Variants in STAMBPL1 observed in about 807,000 individuals in gnomAD.
The protein encoded by STAMBPL1 is AMSH-like protease.
A neutral mutation model predicts 52.9 loss-of-function variants in STAMBPL1; 44 were observed. The observed-to-expected ratio is 0.83, with a 90% CI of 0.65 to 1.07. The LOEUF is 1.07. STAMBPL1 is among the 50% of genes least tolerant of loss of function. The pLI is 0.00. For missense variants in STAMBPL1, 511 were observed against 520.8 expected, an observed-to-expected ratio of 0.98 and a Z score of 0.18; for synonymous variants, 164 against 177.3, an observed-to-expected ratio of 0.92 and a Z score of 0.60.
chr10:88,913,885 T>G (rs2133199916), intron 6 of STAMBPL1, among the ~76,000 whole-genome samples: 1 of 152,338 alleles, frequency 6.6e-6, no homozygotes, highest in East Asian at 1.9e-4. Context: ...AGCATCATCC[T>G]TGGACTGAGA....
chr10:88,923,252 A>C lies in STAMBPL1; in HGVS notation c.*28A>C. On this transcript the variant is annotated 3_prime_UTR_variant, in exon 11 of 11. Coordinates refer to ENST00000371926, the MANE Select transcript of STAMBPL1 (RefSeq NM_020799.4). ...TGTTCTGAATGTAAGCACCGTCAAC[A>C]TCAGACACCTACTCATGGACATGTG... The C allele has an allele frequency of 1.3e-6, 2 of 1,578,824 alleles. No homozygotes were observed. Among genetic ancestry groups the C allele is most frequent in the Non-Finnish European group, 1.7e-6 (2 of 1,168,940 alleles).
At chr10:88,897,114 G>C (rs556769054) in intron 1 of STAMBPL1, among the ~76,000 whole-genome samples, 2 of 152,172 alleles carry the variant, frequency 1.3e-5, no homozygotes, top group Non-Finnish European at 2.9e-5. Context: ...AGAATAAACT[G>C]TTACAAGCTC....
Position 88,923,332 on chromosome 10 carries a change from C to A in STAMBPL1, c.*108C>A, listed in dbSNP as rs1845562843. On this transcript the variant is annotated 3_prime_UTR_variant, in exon 11 of 11. Coordinates refer to ENST00000371926, the MANE Select transcript of STAMBPL1 (RefSeq NM_020799.4). ...AAATGACTGATATTTTATATTTATA[C>A]ATTTTAGATGACAAAGCTTGATATT... The A allele has an allele frequency of 1.4e-6, 2 of 1,425,654 alleles. No individual in the cohort carries two copies. Among genetic ancestry groups the A allele is most frequent in the Non-Finnish European group, 1.8e-6 (2 of 1,093,366 alleles). The allele number at this position is 1,425,654 out of a possible 1,614,324, so 88.3% of individuals were successfully genotyped here.
intron 1 of STAMBPL1, among the ~76,000 whole-genome samples, chr10:88,884,417 A>C (rs551689543): frequency 5.3e-5 from 8 of 152,164 alleles, no homozygotes; most frequent in Non-Finnish European, 1.2e-4. Context: ...AAAGGGAGCA[A>C]GTGAGGAAAG....
chr10:88,921,468 C>A (rs2133220539), intron 9 of STAMBPL1, 73 bp downstream of exon 9: 1 of 1,229,570 alleles, frequency 8.1e-7, no homozygotes, highest in Non-Finnish European at 1.2e-6. Flanking sequence ...TGTCCAGACA[C>A]CAGGTTGTGG....
Position 88,893,655 on chromosome 10 carries a change from C to T in STAMBPL1, c.-53-8001C>T, listed in dbSNP as rs570901159. Reference sequence around the variant, plus strand: ...ACTTAGGAAGCTGAAAGAGGAGAATCGCTTGAACCTAGGAAGCGGAGGTTG... The same window carrying T: ...ACTTAGGAAGCTGAAAGAGGAGAATTGCTTGAACCTAGGAAGCGGAGGTTG... On this transcript the variant is annotated intron_variant, in intron 1 of 10. Transcript: ENST00000371926. Among the ~76,000 whole-genome samples, 9 of 152,222 alleles carry T rather than the reference C, an allele frequency of 5.9e-5. No individual in the cohort carries two copies. The East Asian group carries it at 1.7e-3, about 29-fold the overall frequency.
In STAMBPL1 at chr10:88,897,559, A is replaced by G. The variant is rs7905268; in HGVS notation, c.-53-4097A>G. Among the ~76,000 whole-genome samples, 1,394 of 152,284 alleles carry G rather than the reference A, an allele frequency of 9.2e-3. 25 individuals carry two copies. Among genetic ancestry groups the G allele is most frequent in the African/African-American group, 0.032 (1,314 of 41,542 alleles). ...GATGATCAGATGTTATCAAGCCACA[A>G]GAATGTGAGGTAGAGGTCAGGGAGT... On this transcript the variant is annotated intron_variant, in intron 1 of 10. Coordinates refer to ENST00000371926, the MANE Select transcript of STAMBPL1 (RefSeq NM_020799.4).
At chr10:88,897,794 G>C (rs908148958) in intron 1 of STAMBPL1, among the ~76,000 whole-genome samples, 13 of 152,192 alleles carry the variant, frequency 8.5e-5, no homozygotes, top group Non-Finnish European at 7.3e-5. Flanking sequence ...TTTGCACCGT[G>C]TGCTTTGTAG....
At chr10:88,905,414 T>G in intron 2 of STAMBPL1, 29 bp from the exon 3 acceptor site, 2 of 1,551,214 alleles carry the variant, frequency 1.3e-6, no homozygotes, top group Non-Finnish European at 1.8e-6. Context: ...AATCAACAGT[T>G]AATCAGAGAT....
chr10:88,914,732 T>A, intron 7 of STAMBPL1, 74 bp downstream of exon 7: 1 of 657,412 alleles, frequency 1.5e-6, no homozygotes, highest in Admixed American at 4.7e-5. Context: ...AGATTTCTTC[T>A]GATAAGTGGA....
intron 2 of STAMBPL1, among the ~76,000 whole-genome samples, chr10:88,902,988 A>G (rs906820802): frequency 3.9e-5 from 6 of 152,218 alleles, no homozygotes; most frequent in African/African-American, 1.4e-4. Flanking sequence ...TTGTTGTTCC[A>G]CTATGGTTAA....
intron 2 of STAMBPL1, among the ~76,000 whole-genome samples, chr10:88,902,719 C>T (rs540744830): frequency 2.3e-4 from 35 of 152,120 alleles, no homozygotes; most frequent in Admixed American, 4.6e-4. Flanking sequence ...TATAGGCTGC[C>T]GCCACCACGC....
At chr10:88,894,369 GT>G (rs11407194) in intron 1 of STAMBPL1, among the ~76,000 whole-genome samples, 40 of 149,690 alleles carry the variant, frequency 2.7e-4, no homozygotes, top group South Asian at 8.4e-4. Context: ...TTTTATACAG[GT>G]TTTTTTTTTG....
intron 1 of STAMBPL1, among the ~76,000 whole-genome samples, chr10:88,888,930 G>A (rs1222201492): frequency 6.6e-6 from 1 of 152,206 alleles, no homozygotes; most frequent in Non-Finnish European, 1.5e-5. Flanking sequence ...ACCCTTGAGA[G>A]AACAGCTGAG....
chr10:88,889,852 T>C (rs957799159), intron 1 of STAMBPL1, among the ~76,000 whole-genome samples: 2 of 152,236 alleles, frequency 1.3e-5, no homozygotes, highest in African/African-American at 2.4e-5. Flanking sequence ...GATCATACAT[T>C]GAATTCATTT....
chr10:88,892,943 T>C (rs1020556671), intron 1 of STAMBPL1, among the ~76,000 whole-genome samples: 2 of 152,258 alleles, frequency 1.3e-5, no homozygotes, highest in African/African-American at 2.4e-5. Context: ...TTCAAACATT[T>C]ATTTGTGACT....
chr10:88,908,568 A>T (rs1845135080), intron 3 of STAMBPL1, 134 bp from the exon 4 acceptor site: 1 of 711,126 alleles, frequency 1.4e-6, no homozygotes, highest in South Asian at 1.8e-5. Flanking sequence ...GAAAAGGCAG[A>T]TGGCAAGACT....
At chr10:88,890,134 A>G (rs892998076) in intron 1 of STAMBPL1, among the ~76,000 whole-genome samples, 3 of 152,218 alleles carry the variant, frequency 2.0e-5, no homozygotes, top group Non-Finnish European at 2.9e-5. Flanking sequence ...GTGCCTTTGC[A>G]TTGACTTTGC....
At chr10:88,885,203 G>A (rs186045130) in intron 1 of STAMBPL1, among the ~76,000 whole-genome samples, 2 of 152,256 alleles carry the variant, frequency 1.3e-5, no homozygotes, top group African/African-American at 4.8e-5. Context: ...ATGGATCCCT[G>A]TCTTCTATAC....
Sources: allele counts gnomAD v4.1 joint callset (sites outside exome capture counted in the v4.1 genomes callset), GRCh38; gene constraint gnomAD v4.1.1; transcripts MANE v1.5; gene names NCBI Gene and HGNC (gene_info 2026-07-23, HGNC 2026-07-21).